The following ASAP2 variants were observed in gnomAD, a reference collection of about 807,000 sequenced individuals.
ASAP2 encodes ArfGAP with SH3 domain, ankyrin repeat and PH domain 2.
A neutral mutation model predicts 131.4 loss-of-function variants in ASAP2; 45 were observed. That is an observed-to-expected ratio of 0.34 (90% CI 0.27 to 0.44). The LOEUF is 0.44. Ranked by LOEUF, ASAP2 falls within the 20% of genes least tolerant of loss-of-function variation. The probability of loss-of-function intolerance (pLI) is 1.00; values close to 1 mark genes in which losing one functional copy is unlikely to be tolerated. For missense variants in ASAP2, 1,011 were observed against 1,297.0 expected, an observed-to-expected ratio of 0.78 and a Z score of 3.39; for synonymous variants, 510 against 503.0, an observed-to-expected ratio of 1.01 and a Z score of -0.19.
chr2:9,235,154 G>T (rs1663456188), intron 1 of ASAP2, among the ~76,000 whole-genome samples: 1 of 152,168 alleles, frequency 6.6e-6, no homozygotes, highest in Non-Finnish European at 1.5e-5. Context: ...GGGGATCTGT[G>T]TGTGGCTACA....
intron 23 of ASAP2, among the ~76,000 whole-genome samples, chr2:9,391,872 A>G (rs1157421915): frequency 6.6e-6 from 1 of 151,058 alleles, no homozygotes; most frequent in East Asian, 2.0e-4. Context: ...GGCATGATCC[A>G]TGGTGCCCAG....
Position 9,400,754 on chromosome 2 carries a change from C to T in ASAP2, c.2747C>T (p.Ala916Val), listed in dbSNP as rs1676591209. The part of the protein sequence containing the change: ...GQPRGPVDLS[A>V]TEALGPLSNA... ...TTTTGCCCTACAGTGGATCTCTCTGCAACGGAAGCTCTGGGTCCTCTGTCC... is the reference window on the plus strand; with the variant it reads ...TTTTGCCCTACAGTGGATCTCTCTGTAACGGAAGCTCTGGGTCCTCTGTCC... Residue 916 changes from alanine to valine, a missense_variant, in exon 26 of 28, where the codon GCA becomes GTA. By Grantham distance (64) the Ala-to-Val change is moderately conservative (BLOSUM62 0). Transcript: ENST00000281419. 6.2e-7 allele frequency: 1 copy of T among 1,613,704 alleles called. No individual in the cohort carries two copies. Among genetic ancestry groups the T allele is most frequent in the East Asian group, 2.2e-5 (1 of 44,862 alleles).
chr2:9,231,272 C>G (rs1269174199), intron 1 of ASAP2, among the ~76,000 whole-genome samples: 1 of 152,194 alleles, frequency 6.6e-6, no homozygotes, highest in Non-Finnish European at 1.5e-5. Flanking sequence ...GTTTCCTTGA[C>G]TCCTCACCAG....
chr2:9,330,924 G>T (rs1334855752), intron 7 of ASAP2, among the ~76,000 whole-genome samples: 1 of 152,216 alleles, frequency 6.6e-6, no homozygotes, highest in Non-Finnish European at 1.5e-5. Context: ...GAGAGAGTGT[G>T]TACGCTGCCT....
chr2:9,296,402 A>G (rs1416703316), intron 2 of ASAP2, among the ~76,000 whole-genome samples: 1 of 152,210 alleles, frequency 6.6e-6, no homozygotes, highest in Non-Finnish European at 1.5e-5. Flanking sequence ...GTGAAAATCC[A>G]TGCATGCATT....
chr2:9,329,508 G>C (rs1670694500), intron 7 of ASAP2, among the ~76,000 whole-genome samples: 1 of 152,218 alleles, frequency 6.6e-6, no homozygotes, highest in Non-Finnish European at 1.5e-5. Flanking sequence ...GATGGGGAGA[G>C]AGACAGTGGT....
intron 1 of ASAP2, among the ~76,000 whole-genome samples, chr2:9,270,931 T>C: frequency 6.6e-6 from 1 of 151,348 alleles, no homozygotes; most frequent in Non-Finnish European, 1.5e-5. Flanking sequence ...TAGCTGGGAC[T>C]ACAGGTGCCC....
intron 1 of ASAP2, among the ~76,000 whole-genome samples, chr2:9,245,132 ATATTGT>A (rs1330332135): frequency 6.6e-6 from 1 of 152,220 alleles, no homozygotes; most frequent in Non-Finnish European, 1.5e-5. Flanking sequence ...GGTAAGAATA[ATATTGT>A]TATTAATAGA....
chr2:9,308,204 A>G (rs1025003494), intron 3 of ASAP2, among the ~76,000 whole-genome samples: 7 of 152,244 alleles, frequency 4.6e-5, no homozygotes, highest in African/African-American at 1.7e-4. Flanking sequence ...GCATGGCAGC[A>G]TCTGCTCTGC....
intron 20 of ASAP2, 93 bp from the exon 21 acceptor site, chr2:9,385,152 A>G: frequency 1.1e-6 from 1 of 916,542 alleles, no homozygotes; most frequent in Middle Eastern, 2.2e-4. Context: ...GCCTTGGACT[A>G]GAAGGCAGGC....
At chr2:9,300,818 C>G (rs558645819) in intron 3 of ASAP2, among the ~76,000 whole-genome samples, 2 of 152,224 alleles carry the variant, frequency 1.3e-5, no homozygotes, top group Non-Finnish European at 2.9e-5. Flanking sequence ...CCTCTTGTCA[C>G]CTTCTTGACT....
chr2:9,334,958 G>A (rs750992615), intron 8 of ASAP2, 135 bp from the exon 9 acceptor site: 139 of 1,339,248 alleles, frequency 1.0e-4, no homozygotes, highest in Non-Finnish European at 1.4e-4. Context: ...CCTCTGTCTT[G>A]GTGGGAGGGA....
chr2:9,402,579 C>T (rs563585584), intron 27 of ASAP2, among the ~76,000 whole-genome samples: 2 of 152,214 alleles, frequency 1.3e-5, no homozygotes, highest in Admixed American at 1.3e-4. Flanking sequence ...AACCTGACCA[C>T]AGGCTTAGCC....
intron 1 of ASAP2, among the ~76,000 whole-genome samples, chr2:9,215,446 A>G (rs753420068): frequency 1.3e-5 from 2 of 152,222 alleles, no homozygotes; most frequent in South Asian, 2.1e-4. Flanking sequence ...TATAAACAAT[A>G]CGAGATATTT....
In ASAP2 at chr2:9,251,536, C is replaced by T. The variant is rs76342720; in HGVS notation, c.127-27781C>T. ...TTGTATGCTTAATAAGTAAAGATAACGTGCATTTTACACTTTACTAAAACG... is the reference window on the plus strand; with the variant it reads ...TTGTATGCTTAATAAGTAAAGATAATGTGCATTTTACACTTTACTAAAACG... On this transcript the variant is annotated intron_variant, in intron 1 of 27. Transcript: ENST00000281419. Among the ~76,000 whole-genome samples the T allele has an allele frequency of 4.4e-3, 668 of 152,282 alleles. 6 individuals are homozygous for T. Among genetic ancestry groups the T allele is most frequent in the African/African-American group, 0.015 (607 of 41,556 alleles).
intron 9 of ASAP2, 108 bp from the exon 10 acceptor site, chr2:9,344,424 G>T (rs1671811228): frequency 3.8e-6 from 3 of 794,942 alleles, no homozygotes; most frequent in East Asian, 2.9e-5. Flanking sequence ...TCCAATTTTT[G>T]TTGTTGTTAA....
chr2:9,260,706 C>T (rs1380828387), intron 1 of ASAP2, among the ~76,000 whole-genome samples: 1 of 152,060 alleles, frequency 6.6e-6, no homozygotes. Context: ...TCCCATTCTA[C>T]CATAGGGGAA....
At chr2:9,393,064 G>A (rs1675844025) in intron 23 of ASAP2, among the ~76,000 whole-genome samples, 1 of 152,192 alleles carries the variant, frequency 6.6e-6, no homozygotes, top group African/African-American at 2.4e-5. Context: ...CCAGCAGCCC[G>A]ATGAAGTGGG....
intron 1 of ASAP2, among the ~76,000 whole-genome samples, chr2:9,211,440 A>G (rs1468712387): frequency 6.6e-6 from 1 of 151,956 alleles, no homozygotes; most frequent in African/African-American, 2.4e-5. Flanking sequence ...AATATTCTCA[A>G]AATAGGGAAA....
Sources: allele counts gnomAD v4.1 joint callset (sites outside exome capture counted in the v4.1 genomes callset), GRCh38; gene constraint gnomAD v4.1.1; transcripts MANE v1.5; gene names NCBI Gene and HGNC (gene_info 2026-07-23, HGNC 2026-07-21).